The following VPS35L variants were observed in gnomAD, a reference collection of about 807,000 sequenced individuals.
VPS35L encodes the protein VPS35 endosomal protein sorting factor like, also known as VPS35 endosomal protein-sorting factor-like.
VPS35L carries 83 observed loss-of-function variants against 133.0 expected under a neutral mutation model. The observed-to-expected ratio is 0.62, with a 90% CI of 0.52 to 0.75. VPS35L has a LOEUF of 0.75. Among genes scored for constraint, VPS35L ranks in the 30% least tolerant of loss-of-function variants. The pLI is 0.00. For missense variants in VPS35L, 1,083 were observed against 1,206.8 expected, an observed-to-expected ratio of 0.90 and a Z score of 1.52; for synonymous variants, 423 against 449.9, an observed-to-expected ratio of 0.94 and a Z score of 0.76.
At chr16:19,618,228 T>C (rs1972960817) in intron 14 of VPS35L, 1 of 152,068 alleles carries the variant, frequency 6.6e-6, no homozygotes, top group Admixed American at 6.6e-5. Flanking sequence ...TCCTAGATCT[T>C]GCCAACACAT....
At position 19,660,342 on chromosome 16, in the gene VPS35L, T is replaced by A. The variant is rs866821505; in HGVS notation, c.2221+8252T>A. Among the ~76,000 whole-genome samples the A allele has an allele frequency of 5.3e-3, 798 of 150,058 alleles. 6 individuals carry two copies. The highest frequency in any genetic ancestry group is 0.019 in the African/African-American group (753 of 40,670). On this transcript the variant is annotated intron_variant, in intron 26 of 30. Transcript: ENST00000417362. The stretch of plus-strand genomic sequence containing the variant: ...GACCCTGTCTCAAAAAAAAAAAAAA[T>A]AAAGAAGAAATAATGGTTTTTCTAT...
Position 19,556,560 on chromosome 16 carries a change from T to G in VPS35L, c.17+814T>G, listed in dbSNP as rs1480200576. 3.3e-5 allele frequency among the ~76,000 whole-genome samples: 5 copies of G among 152,154 alleles called. No homozygotes were observed. In the East Asian group the frequency reaches 9.6e-4, roughly 29 times the overall value. On this transcript the variant is annotated intron_variant, in intron 1 of 30. Transcript: ENST00000417362. ...GTTGTGTTGTTGATGATAGTGGGAT[T>G]TGGGGACGGGGAATCTCTCCTGCAT...
intron 13 of VPS35L, 135 bp from the exon 14 acceptor site, chr16:19,616,547 AAAAC>A (rs751335243): frequency 3.0e-5 from 36 of 1,213,982 alleles, no homozygotes; most frequent in Non-Finnish European, 4.0e-5. Flanking sequence ...TTAAAAAAAA[AAAAC>A]AACCGAGAAA....
chr16:19,599,354 C>T (rs1344983327), intron 8 of VPS35L, among the ~76,000 whole-genome samples: 1 of 152,146 alleles, frequency 6.6e-6, no homozygotes, highest in East Asian at 1.9e-4. Context: ...TGGAGAAGCA[C>T]TGGCTCAGAG....
chr16:19,662,850 A>G (rs1298527640), intron 26 of VPS35L, among the ~76,000 whole-genome samples: 1 of 152,124 alleles, frequency 6.6e-6, no homozygotes, highest in African/African-American at 2.4e-5. Flanking sequence ...CTACAGGGGC[A>G]TGGTAGCAGA....
intron 3 of VPS35L, among the ~76,000 whole-genome samples, chr16:19,571,238 A>G (rs1301460839): frequency 6.6e-6 from 1 of 151,722 alleles, no homozygotes; most frequent in Admixed American, 6.6e-5. Flanking sequence ...GTTTTTTTGG[A>G]GATAGTCTTG....
chr16:19,640,085 T>C lies in VPS35L; in HGVS notation c.1769T>C (p.Met590Thr). 6.2e-7 allele frequency: 1 copy of C among 1,614,168 alleles called. No individual in the cohort carries two copies. ...CGGGTGGAGGTTTGCAAATGCATCA[T>C]GGACGCCTTTATCAAGTGAGTGCCA... is the stretch of plus-strand genomic sequence containing the variant. ...SVRVEVCKCI[M>T]DAFIKHQQEP... The change falls in exon 21 of 31, where the codon ATG becomes ACG. Residue 590 changes from methionine (M) to threonine (T), a missense_variant. Physicochemically the swap from Met to Thr is moderately conservative, Grantham distance 81. Transcript: ENST00000417362.
intron 14 of VPS35L, chr16:19,618,154 AG>A (rs1972958314): frequency 6.6e-6 from 1 of 151,900 alleles, no homozygotes; most frequent in Non-Finnish European, 1.5e-5. Context: ...ATCATTGAAA[AG>A]TAAAGAGAGA....
chr16:19,650,332 C>G lies in VPS35L; in HGVS notation c.2029-50C>G, dbSNP rs150769084. The stretch of plus-strand genomic sequence containing the variant: ...TGAGATCTCTATGGAAGACACTCAT[C>G]TGAATCGGCCATCGCTTCATTACCA... On this transcript the variant is annotated intron_variant, in intron 24 of 30. Transcript: ENST00000417362. The G allele has an allele frequency of 1.4e-4, 200 of 1,403,572 alleles. 1 individual carries two copies. In the Admixed American group the frequency reaches 3.1e-3, roughly 22 times the overall value. The allele number at this position is 1,403,572 out of a possible 1,614,324, so 86.9% of individuals were successfully genotyped here.
chr16:19,577,113 G>T (rs1014117792), intron 5 of VPS35L, among the ~76,000 whole-genome samples: 1 of 152,192 alleles, frequency 6.6e-6, no homozygotes, highest in African/African-American at 2.4e-5. Context: ...TTGTTTAGTG[G>T]TACTATAAAG....
chr16:19,647,018 C>T (rs191198582), intron 23 of VPS35L, among the ~76,000 whole-genome samples: 173 of 152,260 alleles, frequency 1.1e-3, no homozygotes, highest in African/African-American at 4.1e-3. Context: ...TGAAAATAAC[C>T]TTGAAATTCT....
chr16:19,629,057 T>A (rs1196876214), intron 17 of VPS35L, among the ~76,000 whole-genome samples: 1 of 152,224 alleles, frequency 6.6e-6, no homozygotes, highest in Non-Finnish European at 1.5e-5. Context: ...ATTACAGGCG[T>A]GAGCCACTTT....
At chr16:19,665,763 C>T (rs936776352) in intron 26 of VPS35L, among the ~76,000 whole-genome samples, 4 of 152,142 alleles carry the variant, frequency 2.6e-5, no homozygotes, top group Non-Finnish European at 4.4e-5. Flanking sequence ...AATTGTTCTC[C>T]GTAGTAGTTG....
At chr16:19,590,155 CCA>C (rs1426160122) in intron 7 of VPS35L, among the ~76,000 whole-genome samples, 2 of 94,188 alleles carry the variant, frequency 2.1e-5, no homozygotes, top group African/African-American at 9.1e-5. Context: ...CCCCCCCCCC[CCA>C]CAAATAACAT....
intron 1 of VPS35L, among the ~76,000 whole-genome samples, 186 bp downstream of exon 1, chr16:19,555,932 C>A (rs1970839424): frequency 6.6e-6 from 1 of 152,208 alleles, no homozygotes; most frequent in Non-Finnish European, 1.5e-5. Context: ...TGAAGCCAGA[C>A]TGGCGGGTTC....
chr16:19,567,581 T>G (rs911649367), intron 2 of VPS35L, among the ~76,000 whole-genome samples: 1 of 152,012 alleles, frequency 6.6e-6, no homozygotes, highest in Non-Finnish European at 1.5e-5. Context: ...GGGAGGTGCT[T>G]CTCTCCCTCC....
At chr16:19,662,826 C>T (rs879541687) in intron 26 of VPS35L, among the ~76,000 whole-genome samples, 3 of 152,180 alleles carry the variant, frequency 2.0e-5, no homozygotes, top group Admixed American at 6.5e-5. Flanking sequence ...TCTGACATCA[C>T]CCTAACCGAG....
chr16:19,593,707 A>G (rs1166256761), intron 8 of VPS35L, among the ~76,000 whole-genome samples: 1 of 152,116 alleles, frequency 6.6e-6, no homozygotes, highest in African/African-American at 2.4e-5. Flanking sequence ...ATCTGCAGTC[A>G]GGAGTTCAAG....
intron 29 of VPS35L, among the ~76,000 whole-genome samples, chr16:19,698,556 A>G (rs909269541): frequency 2.0e-5 from 3 of 152,160 alleles, no homozygotes; most frequent in African/African-American, 7.2e-5. Flanking sequence ...CTAGAATTCT[A>G]TCATGGGCGG....
Sources: allele counts gnomAD v4.1 joint callset (sites outside exome capture counted in the v4.1 genomes callset), GRCh38; gene constraint gnomAD v4.1.1; transcripts MANE v1.5; gene names NCBI Gene and HGNC (gene_info 2026-07-23, HGNC 2026-07-21).